ATF7IP2: variants seen among roughly 807,000 people sequenced by gnomAD.
The protein encoded by ATF7IP2 is activating transcription factor 7-interacting protein 2.
In ATF7IP2, 42 loss-of-function variants were observed where a neutral mutation model predicts 64.2. That is an observed-to-expected ratio of 0.65 (90% confidence interval 0.51 to 0.85). The LOEUF is 0.85. ATF7IP2 is among the 40% of genes least tolerant of loss of function. ATF7IP2 has a pLI of 0.00. For synonymous variants in ATF7IP2, 308 were observed against 272.8 expected, an observed-to-expected ratio of 1.13 and a Z score of -1.27; for missense variants, 933 against 784.2, an observed-to-expected ratio of 1.19 and a Z score of -2.27.
At chr16:10,405,075 A>G (rs1032589786) in intron 1 of ATF7IP2, among the ~76,000 whole-genome samples, 2 of 152,166 alleles carry the variant, frequency 1.3e-5, no homozygotes, top group African/African-American at 2.4e-5. Flanking sequence ...TGAAAGGTCA[A>G]TATTTGGCTG....
Position 10,482,128 on chromosome 16 carries a change from T to C in ATF7IP2, c.1928T>C (p.Leu643Ser). ...TTACCACTCCCCATGGCCTGTACTT[T>C]ATCTCAGTTTTTAGCTTCCAACAGA... ...KALPLPMACT[L>S]SQFLASNRYY... Residue 643 changes from leucine to serine, a missense_variant, in exon 14 of 14, where the codon TTA becomes TCA. Physicochemically the swap from Leu to Ser is moderately radical, Grantham distance 145 (BLOSUM62 -2). Coordinates refer to ENST00000562102, the MANE Select transcript of ATF7IP2 (RefSeq NM_001393719.1). 6.2e-7 allele frequency: 1 copy of C among 1,614,146 alleles called. No individual in the cohort carries two copies. Among genetic ancestry groups the C allele is most frequent in the Non-Finnish European group, 8.5e-7 (1 of 1,179,948 alleles).
intron 1 of ATF7IP2, among the ~76,000 whole-genome samples, chr16:10,398,397 T>C (rs1479436053): frequency 6.6e-6 from 1 of 152,154 alleles, no homozygotes; most frequent in African/African-American, 2.4e-5. Flanking sequence ...TGAATTAGTA[T>C]AGCCATTATT....
chr16:10,433,627 G>C lies in ATF7IP2; in HGVS notation c.938G>C (p.Arg313Thr). The change falls in exon 6 of 14, where the codon AGG (arginine) becomes ACG (threonine). Residue 313 changes from arginine to threonine, a missense_variant. Physicochemically the swap from Arg to Thr is moderately conservative, Grantham distance 71. Transcript: ENST00000562102. ...GAAAATATTTGTGTAAGTTTGGAAA[G>C]GCAAACAGCATTCCTGGAACAGGTA... ...INENICVSLE[R>T]QTAFLEQVRH... 6.2e-7 allele frequency: 1 copy of C among 1,613,816 alleles called. No individual in the cohort carries two copies. The highest frequency in any genetic ancestry group is 8.5e-7 in the Non-Finnish European group (1 of 1,179,838).
chr16:10,472,716 C>G (rs1170883767), intron 10 of ATF7IP2, among the ~76,000 whole-genome samples: 1 of 151,966 alleles, frequency 6.6e-6, no homozygotes, highest in African/African-American at 2.4e-5. Flanking sequence ...ATTAGCCAGG[C>G]ATGGTGGCAG....
chr16:10,395,485 T>C (rs1030427688), intron 1 of ATF7IP2, among the ~76,000 whole-genome samples: 1 of 152,086 alleles, frequency 6.6e-6, no homozygotes, highest in Non-Finnish European at 1.5e-5. Context: ...CCCAATACTA[T>C]AGGAAAAGAA....
intron 9 of ATF7IP2, among the ~76,000 whole-genome samples, chr16:10,459,227 C>T (rs1040850566): frequency 2.6e-5 from 4 of 151,854 alleles, no homozygotes; most frequent in Admixed American, 1.3e-4. Flanking sequence ...CCAGCACTTT[C>T]GGAGGCCTAG....
rs75843415 is a variant in ATF7IP2 at position 10,436,199 on chromosome 16, T to G, written c.961-1902T>G. On this transcript the variant is annotated intron_variant, in intron 6 of 13. Coordinates refer to ENST00000562102, the MANE Select transcript of ATF7IP2 (RefSeq NM_001393719.1). Reference sequence around the variant, plus strand: ...AACAATGGTGAAACCCTGTCTCGGCTAAAAATATAAAAATTAGCTGGACAT... The same window carrying G: ...AACAATGGTGAAACCCTGTCTCGGCGAAAAATATAAAAATTAGCTGGACAT... 1.5e-3 allele frequency among the ~76,000 whole-genome samples: 233 copies of G among 152,232 alleles called. 9 individuals carry two copies. In the East Asian group the frequency reaches 0.044, roughly 29 times the overall value.
intron 6 of ATF7IP2, among the ~76,000 whole-genome samples, chr16:10,436,744 CA>C (rs1340025778): frequency 6.6e-6 from 1 of 152,048 alleles, no homozygotes; most frequent in African/African-American, 2.4e-5. Context: ...GTCATATTAA[CA>C]AAGACTACTT....
chr16:10,391,744 A>C (rs183266966), intron 1 of ATF7IP2, among the ~76,000 whole-genome samples: 76 of 152,218 alleles, frequency 5.0e-4, no homozygotes, highest in Non-Finnish European at 7.6e-4. Flanking sequence ...CTAAAATACA[A>C]AAATTAGCTG....
chr16:10,460,883 T>C (rs1158154472), intron 9 of ATF7IP2, among the ~76,000 whole-genome samples: 1 of 152,122 alleles, frequency 6.6e-6, no homozygotes, highest in East Asian at 1.9e-4. Context: ...AAAGGCACTA[T>C]AAAGATAGTG....
chr16:10,401,686 T>G (rs1315055533), intron 1 of ATF7IP2, among the ~76,000 whole-genome samples: 1 of 152,028 alleles, frequency 6.6e-6, no homozygotes, highest in Non-Finnish European at 1.5e-5. Flanking sequence ...AGGATTGGTA[T>G]TAGTTCAGCT....
At chr16:10,439,165 C>G (rs1367310259) in intron 7 of ATF7IP2, among the ~76,000 whole-genome samples, 2 of 151,594 alleles carry the variant, frequency 1.3e-5, no homozygotes, top group Admixed American at 1.3e-4. Context: ...TCTAGTATTA[C>G]TTGCTGATTG....
chr16:10,473,755 C>G lies in ATF7IP2; in HGVS notation c.1483-168C>G, dbSNP rs549997284. ...GAAACCATTTAGTATTTTATAAGAGCTTTTTAATAGTAGAGTTAAACCACA... is the reference window on the plus strand; with the variant it reads ...GAAACCATTTAGTATTTTATAAGAGGTTTTTAATAGTAGAGTTAAACCACA... On this transcript the variant is annotated intron_variant, in intron 11 of 13. Coordinates refer to ENST00000562102, the MANE Select transcript of ATF7IP2 (RefSeq NM_001393719.1). 6.4e-4 allele frequency among the ~76,000 whole-genome samples: 98 copies of G among 152,252 alleles called. 1 individual carries two copies. The highest frequency in any genetic ancestry group is 2.0e-3 in the African/African-American group (84 of 41,558).
At chr16:10,402,454 G>T (rs2047553840) in intron 1 of ATF7IP2, among the ~76,000 whole-genome samples, 1 of 151,970 alleles carries the variant, frequency 6.6e-6, no homozygotes, top group Non-Finnish European at 1.5e-5. Flanking sequence ...ATATGATTTT[G>T]ATTTTTCCTT....
chr16:10,480,249 T>C (rs527513990), intron 12 of ATF7IP2, among the ~76,000 whole-genome samples: 44 of 152,226 alleles, frequency 2.9e-4, no homozygotes, highest in Non-Finnish European at 4.7e-4. Flanking sequence ...AGTGCTGGGA[T>C]GACAGATGTG....
intron 5 of ATF7IP2, among the ~76,000 whole-genome samples, chr16:10,431,990 AT>A (rs34029007): frequency 0.029 from 3,250 of 111,560 alleles, 49 homozygotes; most frequent in Non-Finnish European, 0.041. Flanking sequence ...CGCCCGGCTA[AT>A]TTTTTTTTTT....
intron 9 of ATF7IP2, among the ~76,000 whole-genome samples, chr16:10,463,033 C>A (rs112505233): frequency 3.3e-5 from 5 of 152,230 alleles, no homozygotes; most frequent in African/African-American, 1.2e-4. Context: ...TGGTGAAATT[C>A]TTTACCTTGC....
At chr16:10,420,511 A>G (rs1596471749) in intron 3 of ATF7IP2, among the ~76,000 whole-genome samples, 2 of 152,238 alleles carry the variant, frequency 1.3e-5, no homozygotes, top group African/African-American at 2.4e-5. Flanking sequence ...GTTTGAGACC[A>G]GAGGCATTAA....
At chr16:10,440,102 G>A (rs1221039930) in intron 7 of ATF7IP2, among the ~76,000 whole-genome samples, 1 of 152,072 alleles carries the variant, frequency 6.6e-6, no homozygotes, top group Non-Finnish European at 1.5e-5. Flanking sequence ...AGAGGTTGCA[G>A]TGAGTCGAGA....
Sources: allele counts gnomAD v4.1 joint callset (sites outside exome capture counted in the v4.1 genomes callset), GRCh38; gene constraint gnomAD v4.1.1; transcripts MANE v1.5; gene names NCBI Gene and HGNC (gene_info 2026-07-23, HGNC 2026-07-21).